The following EDIL3 variants were observed in gnomAD, a reference collection of about 807,000 sequenced individuals.
EDIL3 encodes EGF-like repeat and discoidin I-like domain-containing protein 3.
In EDIL3, 37 loss-of-function variants were observed where a neutral mutation model predicts 67.4. The ratio of observed to expected loss-of-function variants is 0.55; its 90% CI spans 0.42 to 0.72. The LOEUF is 0.72. Ranked by LOEUF, EDIL3 falls within the 30% of genes least tolerant of loss-of-function variation. The pLI is 0.00. For missense variants in EDIL3, 527 were observed against 586.3 expected, an observed-to-expected ratio of 0.90 and a Z score of 1.04; for synonymous variants, 195 against 196.3, an observed-to-expected ratio of 0.99 and a Z score of 0.05.
At chr5:84,176,770 T>C (rs1000692239) in intron 4 of EDIL3, among the ~76,000 whole-genome samples, 5 of 149,598 alleles carry the variant, frequency 3.3e-5, no homozygotes, top group East Asian at 3.9e-4. Context: ...TGTGTGTGTG[T>C]GCCTGTGTGT....
intron 1 of EDIL3, among the ~76,000 whole-genome samples, chr5:84,332,954 T>G (rs1352918171): frequency 6.6e-6 from 1 of 152,194 alleles, no homozygotes; most frequent in East Asian, 1.9e-4. Context: ...AAAAACTGAT[T>G]TAAATGAAAA....
At chr5:84,293,413 T>C (rs775240319) in intron 1 of EDIL3, among the ~76,000 whole-genome samples, 3 of 152,172 alleles carry the variant, frequency 2.0e-5, no homozygotes, top group African/African-American at 2.4e-5. Flanking sequence ...TCAGTTTGAA[T>C]CCAAGCTGCT....
chr5:83,971,757 G>C (rs551621235), intron 9 of EDIL3, among the ~76,000 whole-genome samples: 2 of 151,978 alleles, frequency 1.3e-5, no homozygotes, highest in African/African-American at 4.8e-5. Context: ...GCTCCTCTTT[G>C]TCCCTTACCA....
chr5:84,133,362 C>G (rs1010533081), intron 5 of EDIL3, among the ~76,000 whole-genome samples: 1 of 150,764 alleles, frequency 6.6e-6, no homozygotes, highest in African/African-American at 2.4e-5. Flanking sequence ...GTAGCTCATG[C>G]CTGTAATCCC....
intron 9 of EDIL3, among the ~76,000 whole-genome samples, chr5:84,016,449 T>C (rs557760028): frequency 2.0e-5 from 3 of 152,290 alleles, no homozygotes; most frequent in Non-Finnish European, 2.9e-5. Flanking sequence ...GTGTTTTGTA[T>C]ATGCTGTAAT....
chr5:84,158,381 T>A (rs1228366052), intron 4 of EDIL3, among the ~76,000 whole-genome samples: 1 of 152,022 alleles, frequency 6.6e-6, no homozygotes, highest in Non-Finnish European at 1.5e-5. Context: ...CAATTCCCAC[T>A]AGCAATACAC....
intron 9 of EDIL3, among the ~76,000 whole-genome samples, chr5:84,031,055 CTTT>C (rs1745911509): frequency 6.6e-6 from 1 of 152,138 alleles, no homozygotes; most frequent in East Asian, 1.9e-4. Flanking sequence ...TTCACATGGT[CTTT>C]CCTGTGTGGG....
intron 3 of EDIL3, among the ~76,000 whole-genome samples, chr5:84,184,712 G>T (rs1424696609): frequency 1.3e-5 from 2 of 152,170 alleles, no homozygotes; most frequent in African/African-American, 4.8e-5. Flanking sequence ...GTGAACAGCG[G>T]TTTCTTAAGT....
chr5:84,328,003 C>A (rs929007424), intron 1 of EDIL3, among the ~76,000 whole-genome samples: 1 of 151,988 alleles, frequency 6.6e-6, no homozygotes, highest in Non-Finnish European at 1.5e-5. Context: ...TAAATAAGTG[C>A]TTCTCAAAGA....
chr5:84,158,216 T>G (rs1748529041), intron 4 of EDIL3, among the ~76,000 whole-genome samples: 1 of 152,084 alleles, frequency 6.6e-6, no homozygotes, highest in Non-Finnish European at 1.5e-5. Flanking sequence ...GCATTTTCAC[T>G]TTGTTACCTT....
At chr5:84,192,659 T>C (rs983961560) in intron 3 of EDIL3, among the ~76,000 whole-genome samples, 8 of 152,072 alleles carry the variant, frequency 5.3e-5, no homozygotes, top group African/African-American at 1.7e-4. Flanking sequence ...ATTCAGTTTA[T>C]ATTTAGAGCT....
At chr5:84,382,517 G>A (rs1353647436) in intron 1 of EDIL3, among the ~76,000 whole-genome samples, 1 of 152,186 alleles carries the variant, frequency 6.6e-6, no homozygotes, top group African/African-American at 2.4e-5. Flanking sequence ...GGTGGTGGCG[G>A]TGACACAATG....
chr5:84,048,580 T>C (rs957928584), intron 9 of EDIL3, among the ~76,000 whole-genome samples: 3 of 152,052 alleles, frequency 2.0e-5, no homozygotes, highest in Non-Finnish European at 4.4e-5. Flanking sequence ...AAATGTCTTA[T>C]GAAATAGACC....
In EDIL3 at chr5:84,041,874, T is replaced by C. The variant is rs532044859; in HGVS notation, c.1137+18426A>G. ...CCTACAGCTTTGGGGATTAAAACCC[T>C]ACAGTGCTTTTTCATGAAATAAACA... On this transcript the variant is annotated intron_variant, in intron 9 of 10. Coordinates refer to ENST00000296591, the MANE Select transcript of EDIL3 (RefSeq NM_005711.5). 7.2e-5 allele frequency among the ~76,000 whole-genome samples: 11 copies of C among 152,128 alleles called. No individual in the cohort carries two copies. The South Asian group carries it at 1.2e-3, about 17-fold the overall frequency.
At chr5:84,105,218 A>G (rs760152188) in intron 6 of EDIL3, among the ~76,000 whole-genome samples, 24 of 152,108 alleles carry the variant, frequency 1.6e-4, no homozygotes, top group Non-Finnish European at 3.1e-4. Flanking sequence ...CATTTCCACT[A>G]TCTGGAGTTC....
At chr5:84,009,364 G>A (rs1015326194) in intron 9 of EDIL3, among the ~76,000 whole-genome samples, 4 of 152,074 alleles carry the variant, frequency 2.6e-5, no homozygotes, top group Non-Finnish European at 4.4e-5. Flanking sequence ...AGATGGAGCC[G>A]GTGGGATCTC....
chr5:84,022,868 A>G (rs1745744318), intron 9 of EDIL3, among the ~76,000 whole-genome samples: 1 of 152,040 alleles, frequency 6.6e-6, no homozygotes, highest in Non-Finnish European at 1.5e-5. Flanking sequence ...GCAACAATGT[A>G]CTATATATTT....
At chr5:84,047,666 G>C (rs984540961) in intron 9 of EDIL3, 1 of 152,072 alleles carries the variant, frequency 6.6e-6, no homozygotes, top group African/African-American at 2.4e-5. Flanking sequence ...TTTAAAAGGA[G>C]AAGATAGGCT....
chr5:84,344,008 GA>G (rs1479238892), intron 1 of EDIL3, among the ~76,000 whole-genome samples: 2 of 152,052 alleles, frequency 1.3e-5, no homozygotes, highest in Non-Finnish European at 1.5e-5. Flanking sequence ...ACTTTTCTGA[GA>G]AATGTTCCCT....
Sources: allele counts gnomAD v4.1 joint callset (sites outside exome capture counted in the v4.1 genomes callset), GRCh38; gene constraint gnomAD v4.1.1; transcripts MANE v1.5; gene names NCBI Gene and HGNC (gene_info 2026-07-23, HGNC 2026-07-21).